COL26A1: variants seen among roughly 807,000 people sequenced by gnomAD.
COL26A1 encodes the protein collagen type XXVI alpha 1 chain.
In COL26A1, 41 loss-of-function variants were observed where a neutral mutation model predicts 59.3. The ratio of observed to expected loss-of-function variants is 0.69; its 90% CI spans 0.54 to 0.90. COL26A1 has a LOEUF of 0.90. COL26A1 is among the 40% of genes least tolerant of loss of function. The probability of loss-of-function intolerance (pLI) is 0.00; values close to 1 mark genes in which losing one functional copy is unlikely to be tolerated. For missense variants in COL26A1, 612 were observed against 602.3 expected, an observed-to-expected ratio of 1.02 and a Z score of -0.17; for synonymous variants, 266 against 256.0, an observed-to-expected ratio of 1.04 and a Z score of -0.37.
chr7:101,553,481 G>A (rs982715540), intron 11 of COL26A1, 105 bp downstream of exon 11: 29 of 1,156,994 alleles, frequency 2.5e-5, no homozygotes, highest in East Asian at 7.3e-5. Context: ...AGCCAGCCCC[G>A]AGCTGGGTGC....
At position 101,514,353 on chromosome 7, in the gene COL26A1, A is replaced by C. The variant is rs558061823; in HGVS notation, c.386-18729A>C. On this transcript the variant is annotated intron_variant, in intron 3 of 12. Coordinates refer to ENST00000313669, the MANE Select transcript of COL26A1 (RefSeq NM_001278563.3). Reference sequence around the variant, plus strand: ...ACCCTGTCTCAAAAAAATAAAAATAAAAATAAAAACAATAAAAAAAATAAA... The same window carrying C: ...ACCCTGTCTCAAAAAAATAAAAATACAAATAAAAACAATAAAAAAAATAAA... 4.6e-5 allele frequency among the ~76,000 whole-genome samples: 7 copies of C among 152,254 alleles called. No homozygotes were observed. In the East Asian group the frequency reaches 1.4e-3, roughly 29 times the overall value.
chr7:101,387,744 ATATATATATT>A lies in COL26A1; in HGVS notation c.158+24564_158+24573del, dbSNP rs1425552226. 4.1e-3 allele frequency among the ~76,000 whole-genome samples: 417 copies of A among 102,230 alleles called. 6 individuals carry two copies. The highest frequency in any genetic ancestry group is 0.029 in the East Asian group (122 of 4,212). 67.1% of individuals were successfully genotyped at this position (102,230 alleles called of 152,430 possible). On this transcript the variant is annotated intron_variant, in intron 1 of 12. Coordinates refer to ENST00000313669, the MANE Select transcript of COL26A1 (RefSeq NM_001278563.3). ...CATATATTTTAATATAATTATATAT[ATATATATATT>A]TATATATATATATATATATATATAT...
At chr7:101,461,439 C>T (rs544099881) in intron 3 of COL26A1, among the ~76,000 whole-genome samples, 3 of 152,080 alleles carry the variant, frequency 2.0e-5, no homozygotes, top group South Asian at 4.2e-4. Context: ...GCTGGGATTA[C>T]AGATGCCCGC....
chr7:101,458,758 A>G (rs1264367718), intron 3 of COL26A1, among the ~76,000 whole-genome samples: 3 of 151,714 alleles, frequency 2.0e-5, no homozygotes, highest in Admixed American at 2.0e-4. Flanking sequence ...AGATTTGTCC[A>G]AGTCATCTAG....
intron 1 of COL26A1, among the ~76,000 whole-genome samples, chr7:101,387,770 A>ATTTTTTTTTT (rs1304839639): frequency 1.4e-4 from 5 of 36,538 alleles, no homozygotes; most frequent in African/African-American, 2.3e-4. Context: ...ATATATATAT[A>ATTTTTTTTTT]TATATATATT....
At chr7:101,477,984 T>C (rs1452618495) in intron 3 of COL26A1, among the ~76,000 whole-genome samples, 5 of 152,190 alleles carry the variant, frequency 3.3e-5, no homozygotes, top group African/African-American at 9.6e-5. Context: ...TATTTCTTTT[T>C]TATTTATTTA....
intron 3 of COL26A1, among the ~76,000 whole-genome samples, chr7:101,483,407 A>G (rs931910403): frequency 1.3e-5 from 2 of 152,002 alleles, no homozygotes; most frequent in African/African-American, 4.8e-5. Flanking sequence ...CATCTTGGCC[A>G]GACTGGTCTC....
At chr7:101,453,590 G>A (rs979475697) in intron 3 of COL26A1, among the ~76,000 whole-genome samples, 12 of 152,140 alleles carry the variant, frequency 7.9e-5, no homozygotes, top group Non-Finnish European at 1.3e-4. Flanking sequence ...CAGGATGCGT[G>A]TCCCCTTCTG....
intron 3 of COL26A1, among the ~76,000 whole-genome samples, chr7:101,463,799 C>CTCTCTTTCTTTCTTCCTTTCTT (rs1562993328): frequency 3.8e-5 from 4 of 104,976 alleles, no homozygotes; most frequent in African/African-American, 1.5e-4. Context: ...CTTTCTTTCT[C>CTCTCTTTCTTTCTTCCTTTCTT]TCTCTCTTTC....
chr7:101,413,822 C>T (rs909129255), intron 1 of COL26A1, among the ~76,000 whole-genome samples: 5 of 152,174 alleles, frequency 3.3e-5, no homozygotes, highest in African/African-American at 1.2e-4. Flanking sequence ...TTCTGTCCTC[C>T]TGGGTCAGTC....
At chr7:101,369,210 C>T (rs994174802) in intron 1 of COL26A1, among the ~76,000 whole-genome samples, 1 of 151,938 alleles carries the variant, frequency 6.6e-6, no homozygotes, top group Non-Finnish European at 1.5e-5. Flanking sequence ...AGTTCGAGAC[C>T]AGCCTGGCCA....
At chr7:101,553,940 G>A (rs1003003090) in intron 11 of COL26A1, among the ~76,000 whole-genome samples, 4 of 152,032 alleles carry the variant, frequency 2.6e-5, no homozygotes, top group East Asian at 1.9e-4. Context: ...GGGGACCTGC[G>A]GCTTCTGGGA....
intron 3 of COL26A1, among the ~76,000 whole-genome samples, chr7:101,474,485 AG>A (rs1793986917): frequency 6.6e-6 from 1 of 151,952 alleles, no homozygotes; most frequent in African/African-American, 2.4e-5. Flanking sequence ...TCAGCTACTC[AG>A]GGGGCTGAGG....
chr7:101,504,669 C>T (rs567420320), intron 3 of COL26A1, among the ~76,000 whole-genome samples: 1 of 152,310 alleles, frequency 6.6e-6, no homozygotes, highest in African/African-American at 2.4e-5. Flanking sequence ...CAGAGGCTGG[C>T]ATTGTTATGA....
intron 1 of COL26A1, among the ~76,000 whole-genome samples, chr7:101,387,726 T>C (rs1791613837): frequency 7.5e-6 from 1 of 132,656 alleles, no homozygotes; most frequent in Non-Finnish European, 1.6e-5. Flanking sequence ...TAACATATAT[T>C]TTAATATAAT....
At chr7:101,439,553 GAA>G (rs574285424) in intron 2 of COL26A1, among the ~76,000 whole-genome samples, 5 of 81,928 alleles carry the variant, frequency 6.1e-5, no homozygotes, top group Admixed American at 3.3e-4. Flanking sequence ...GACTCCGTCT[GAA>G]AAAAAAAAAA....
At chr7:101,529,929 C>T (rs948636655) in intron 3 of COL26A1, among the ~76,000 whole-genome samples, 4 of 152,142 alleles carry the variant, frequency 2.6e-5, no homozygotes, top group Admixed American at 1.3e-4. Context: ...TTCAAGTAGA[C>T]AACCCCTGAA....
At chr7:101,389,000 C>CCCCT (rs1370174827) in intron 1 of COL26A1, 2 of 295,030 alleles carry the variant, frequency 6.8e-6, no homozygotes, top group Non-Finnish European at 1.3e-5. Flanking sequence ...CATGGGGCTT[C>CCCCT]CCCTTCTTGG....
chr7:101,520,359 C>G (rs1029082812), intron 3 of COL26A1, among the ~76,000 whole-genome samples: 27 of 152,072 alleles, frequency 1.8e-4, no homozygotes, highest in African/African-American at 6.5e-4. Flanking sequence ...ATAGCAGAGC[C>G]TTTTATAGCC....
Sources: allele counts gnomAD v4.1 joint callset (sites outside exome capture counted in the v4.1 genomes callset), GRCh38; gene constraint gnomAD v4.1.1; transcripts MANE v1.5; gene names NCBI Gene and HGNC (gene_info 2026-07-23, HGNC 2026-07-21).